Variants in DPY19L3 observed in about 807,000 individuals in gnomAD.
The protein encoded by DPY19L3 is protein C-mannosyl-transferase DPY19L3.
Under a neutral mutation model 92.3 loss-of-function variants are expected in DPY19L3, and 51 were observed. The ratio of observed to expected loss-of-function variants is 0.55; its 90% CI spans 0.44 to 0.70. DPY19L3 has a LOEUF of 0.70. Ranked by LOEUF, DPY19L3 falls within the 30% of genes least tolerant of loss-of-function variation. The pLI, the probability that DPY19L3 is intolerant of heterozygous loss-of-function variation, is 0.00. For missense variants in DPY19L3, 706 were observed against 855.9 expected (o/e 0.82, Z 2.18); for synonymous variants, 309 against 315.2 (o/e 0.98, Z 0.21).
intron 3 of DPY19L3, among the ~76,000 whole-genome samples, chr19:32,415,320 G>A (rs1968341163): frequency 6.6e-6 from 1 of 152,216 alleles, no homozygotes; most frequent in Non-Finnish European, 1.5e-5. Flanking sequence ...CCTGAAGGAT[G>A]AGTAAGAGTT....
chr19:32,445,784 T>G (rs1288052522), intron 8 of DPY19L3, among the ~76,000 whole-genome samples: 2 of 152,166 alleles, frequency 1.3e-5, no homozygotes, highest in Admixed American at 6.5e-5. Flanking sequence ...GTGGATCACC[T>G]GAGGTTAGGA....
intron 3 of DPY19L3, among the ~76,000 whole-genome samples, chr19:32,420,306 G>A (rs1968525772): frequency 6.6e-6 from 1 of 152,200 alleles, no homozygotes; most frequent in Non-Finnish European, 1.5e-5. Flanking sequence ...GGCACTGGCT[G>A]CTGTGAAGAA....
At chr19:32,468,844 T>G (rs771230839) in intron 16 of DPY19L3, 31 bp downstream of exon 16, 12 of 1,606,090 alleles carry the variant, frequency 7.5e-6, no homozygotes, top group Non-Finnish European at 8.5e-6. Flanking sequence ...TTTTAAAATT[T>G]TAAGTGCCTT....
At chr19:32,438,486 A>AT (rs1339578569) in intron 6 of DPY19L3, among the ~76,000 whole-genome samples, 6 of 152,060 alleles carry the variant, frequency 3.9e-5, no homozygotes, top group Non-Finnish European at 1.5e-5. Context: ...TGTTTGATAC[A>AT]TTGTTTCATA....
chr19:32,407,274 C>G (rs923213932), intron 1 of DPY19L3, among the ~76,000 whole-genome samples: 7 of 145,096 alleles, frequency 4.8e-5, no homozygotes. Context: ...TCCCCCCCAC[C>G]CATTACTCCC....
At position 32,437,358 on chromosome 19, in the gene DPY19L3, GCTT is replaced by G. The variant is rs1969176468; in HGVS notation, c.596+23_596+25del. ...CAAATAGGTGAGTTGGAGTCAGTAT[GCTT>G]CTTTTTTTTCCAAAATGTAAGTAAA... On this transcript the variant is annotated intron_variant, in intron 6 of 18. Transcript: ENST00000392250. 1 of 1,581,430 alleles carries G rather than the reference GCTT, an allele frequency of 6.3e-7. No homozygotes were observed. Among genetic ancestry groups the G allele is most frequent in the Non-Finnish European group, 8.6e-7 (1 of 1,165,010 alleles).
chr19:32,451,585 G>A (rs1039015946), intron 8 of DPY19L3, among the ~76,000 whole-genome samples: 10 of 152,258 alleles, frequency 6.6e-5, no homozygotes, highest in African/African-American at 2.4e-4. Flanking sequence ...CGGATTTGCT[G>A]CTAAATAAAA....
At chr19:32,413,283 T>TGG (rs1340929420) in intron 3 of DPY19L3, 3 of 152,210 alleles carry the variant, frequency 2.0e-5, no homozygotes, top group Non-Finnish European at 4.4e-5. Context: ...GAGCTTTGAT[T>TGG]CTCTTACTGA....
intron 16 of DPY19L3, among the ~76,000 whole-genome samples, chr19:32,475,150 AC>A (rs1410048885): frequency 6.6e-6 from 1 of 152,166 alleles, no homozygotes; most frequent in Non-Finnish European, 1.5e-5. Flanking sequence ...ACTGCATGCT[AC>A]TATAGCTTTG....
chr19:32,473,804 G>T (rs749529064), intron 16 of DPY19L3, among the ~76,000 whole-genome samples: 1 of 152,092 alleles, frequency 6.6e-6, no homozygotes, highest in Non-Finnish European at 1.5e-5. Flanking sequence ...TGTTATTTTT[G>T]GTTTTATTTT....
Position 32,455,058 on chromosome 19 carries a change from A to G in DPY19L3, c.1089+18A>G. The G allele has an allele frequency of 7.1e-7, 1 of 1,413,298 alleles. No homozygotes were observed. Among genetic ancestry groups the G allele is most frequent in the Non-Finnish European group, 9.6e-7 (1 of 1,038,040 alleles). The allele number at this position is 1,413,298 out of a possible 1,614,324, so 87.5% of individuals were successfully genotyped here. Reference sequence around the variant, plus strand: ...TAATTAAGGTAAGTTAATAAAAATGACATGTTTAATGTATTTTTAATTAAC... The same window carrying G: ...TAATTAAGGTAAGTTAATAAAAATGGCATGTTTAATGTATTTTTAATTAAC... On this transcript the variant is annotated intron_variant, in intron 10 of 18. Coordinates refer to ENST00000392250, the MANE Select transcript of DPY19L3 (RefSeq NM_001172774.2).
chr19:32,468,627 G>A (rs1212662090), intron 15 of DPY19L3, 104 bp from the exon 16 acceptor site: 1 of 1,479,094 alleles, frequency 6.8e-7, no homozygotes, highest in East Asian at 2.4e-5. Flanking sequence ...TGTTTATTTA[G>A]TTCACACATT....
intron 11 of DPY19L3, 36 bp from the exon 12 acceptor site, chr19:32,458,315 T>C: frequency 1.2e-6 from 2 of 1,601,694 alleles, no homozygotes; most frequent in Non-Finnish European, 1.7e-6. Context: ...TTGTCTTATA[T>C]TGAATTTAAT....
intron 8 of DPY19L3, among the ~76,000 whole-genome samples, chr19:32,445,075 C>T (rs77504457): frequency 3.7e-5 from 2 of 54,612 alleles, no homozygotes; most frequent in Non-Finnish European, 7.8e-5. Context: ...GACCCAGTCT[C>T]AAAAAAAAAA....
At chr19:32,470,420 G>T in intron 16 of DPY19L3, among the ~76,000 whole-genome samples, 1 of 152,178 alleles carries the variant, frequency 6.6e-6, no homozygotes, top group Non-Finnish European at 1.5e-5. Flanking sequence ...CTTTCTGGTA[G>T]CATGCTGAAG....
At chr19:32,447,798 CATT>C (rs1404086261) in intron 8 of DPY19L3, among the ~76,000 whole-genome samples, 1 of 97,138 alleles carries the variant, frequency 1.0e-5, no homozygotes, top group Non-Finnish European at 2.0e-5. Context: ...TACTCCATCT[CATT>C]CATAGATAGA....
At chr19:32,465,444 C>T (rs1344317575) in intron 15 of DPY19L3, among the ~76,000 whole-genome samples, 1 of 152,216 alleles carries the variant, frequency 6.6e-6, no homozygotes, top group East Asian at 1.9e-4. Context: ...ATAGCACAGA[C>T]TGTTTTATCC....
rs61070378 is a variant in DPY19L3, at chr19:32,438,943, G to GGATGAT, written c.597-144_597-139dup. On this transcript the variant is annotated intron_variant, in intron 6 of 18. Coordinates refer to ENST00000392250, the MANE Select transcript of DPY19L3 (RefSeq NM_001172774.2). ...TCTCTATGCCAATTTTATGTTACAG[G>GGATGAT]GATGATGATGATGATGATGATGATG... The GGATGAT allele has an allele frequency of 2.4e-4, 166 of 687,416 alleles. 1 individual carries two copies. The highest frequency in any genetic ancestry group is 1.6e-3 in the South Asian group (75 of 46,396). The allele number at this position is 687,416 out of a possible 1,614,324, so 42.6% of individuals were successfully genotyped here.
intron 16 of DPY19L3, among the ~76,000 whole-genome samples, chr19:32,474,880 C>T (rs147008999): frequency 6.6e-6 from 1 of 152,320 alleles, no homozygotes; most frequent in East Asian, 1.9e-4. Flanking sequence ...TGAGCCACCA[C>T]ACCTGGTCTA....
Sources: gnomAD v4.1 joint callset for allele counts (sites outside exome capture counted in the v4.1 genomes callset) on GRCh38, gnomAD v4.1.1 for gene constraint, MANE v1.5 for transcripts, NCBI Gene and HGNC (gene_info 2026-07-23, HGNC 2026-07-21) for gene names.